Variants in PTPRR observed in about 807,000 individuals in gnomAD.
PTPRR encodes the protein receptor-type tyrosine-protein phosphatase R.
In PTPRR, 38 loss-of-function variants were observed where a neutral mutation model predicts 77.2. The observed-to-expected ratio is 0.49, with a 90% CI of 0.38 to 0.65. The LOEUF is 0.65. PTPRR is among the 30% of genes least tolerant of loss of function. The pLI, the probability that PTPRR is intolerant of heterozygous loss-of-function variation, is 0.00. For synonymous variants in PTPRR, 299 were observed against 283.1 expected, an observed-to-expected ratio of 1.06 and a Z score of -0.57; for missense variants, 744 against 799.2, an observed-to-expected ratio of 0.93 and a Z score of 0.83.
At chr12:70,729,504 T>G (rs1171353697) in intron 6 of PTPRR, among the ~76,000 whole-genome samples, 2 of 152,192 alleles carry the variant, frequency 1.3e-5, no homozygotes, top group African/African-American at 4.8e-5. Context: ...AGGACTATGT[T>G]AAATGAGTTT....
chr12:70,913,527 T>C (rs1010522613), intron 1 of PTPRR, among the ~76,000 whole-genome samples: 2 of 152,132 alleles, frequency 1.3e-5, no homozygotes, highest in African/African-American at 2.4e-5. Context: ...ATCTAACTCT[T>C]TGAGCTCTTT....
At chr12:70,902,347 A>G (rs1434128471) in intron 1 of PTPRR, among the ~76,000 whole-genome samples, 1 of 151,882 alleles carries the variant, frequency 6.6e-6, no homozygotes, top group Admixed American at 6.6e-5. Flanking sequence ...TCGTTATATG[A>G]AAAAGATACT....
At chr12:70,862,716 T>G in intron 2 of PTPRR, among the ~76,000 whole-genome samples, 1 of 151,356 alleles carries the variant, frequency 6.6e-6, no homozygotes, top group Non-Finnish European at 1.5e-5. Flanking sequence ...ATTGTGCACA[T>G]GTACCCTAAA....
At chr12:70,829,232 A>AAAG (rs1243646940) in intron 2 of PTPRR, among the ~76,000 whole-genome samples, 12 of 147,556 alleles carry the variant, frequency 8.1e-5, no homozygotes, top group Admixed American at 8.1e-4. Context: ...AGGAAAGAGG[A>AAAG]AGGAAGGAAG....
chr12:70,829,203 T>TGAAGGAAA (rs373496184), intron 2 of PTPRR, among the ~76,000 whole-genome samples: 1 of 149,818 alleles, frequency 6.7e-6, no homozygotes, highest in African/African-American at 2.5e-5. Context: ...ACTTGAAAAT[T>TGAAGGAAA]GAAGGAAAGA....
rs563414520 is a variant in PTPRR at position 70,690,375 on chromosome 12, C to T, written c.1280-5592G>A. ...AATAGAATAGGTACATCCCAAACATCTGGGGTTTGTATATATTCAGAAGTC... is the reference window on the plus strand; with the variant it reads ...AATAGAATAGGTACATCCCAAACATTTGGGGTTTGTATATATTCAGAAGTC... On this transcript the variant is annotated intron_variant, in intron 8 of 13. Transcript: ENST00000283228. Among the ~76,000 whole-genome samples, 45 of 152,300 alleles carry T rather than the reference C, an allele frequency of 3.0e-4. No individual in the cohort carries two copies. In the South Asian group the frequency reaches 8.9e-3, roughly 30 times the overall value.
At chr12:70,683,184 T>C (rs187770088) in intron 10 of PTPRR, among the ~76,000 whole-genome samples, 4 of 152,310 alleles carry the variant, frequency 2.6e-5, no homozygotes, top group Non-Finnish European at 2.9e-5. Flanking sequence ...AAAGGAATGC[T>C]TAGTTTTCTT....
chr12:70,893,167 TCTCAAAGACTTTA>T lies in PTPRR; in HGVS notation c.59-203_59-191del, dbSNP rs141608200. On this transcript the variant is annotated intron_variant, in intron 1 of 13. Coordinates refer to ENST00000283228, the MANE Select transcript of PTPRR (RefSeq NM_002849.4). ...GTATACACCTGGTGGTATGAAGGCCTCTCAAAGACTTTAGGTGGATAAAAGTGGGCGTACTTTG... is the reference window on the plus strand; with the variant it reads ...GTATACACCTGGTGGTATGAAGGCCTGGTGGATAAAAGTGGGCGTACTTTG... 4.4e-3 allele frequency among the ~76,000 whole-genome samples: 672 copies of T among 152,054 alleles called. 2 individuals carry two copies. Among genetic ancestry groups the T allele is most frequent in the Non-Finnish European group, 6.8e-3 (463 of 67,920 alleles).
At chr12:70,673,190 T>G (rs111392094) in intron 10 of PTPRR, among the ~76,000 whole-genome samples, 7 of 152,292 alleles carry the variant, frequency 4.6e-5, no homozygotes, top group Non-Finnish European at 1.0e-4. Flanking sequence ...CCCTATTGGA[T>G]TTCTTTAAAA....
intron 2 of PTPRR, 92 bp from the exon 3 acceptor site, chr12:70,764,870 A>C: frequency 1.1e-6 from 1 of 943,430 alleles, no homozygotes; most frequent in Non-Finnish European, 1.6e-6. Context: ...TAAGTTCACG[A>C]CATTCAGTTC....
rs1331947307 is a variant in PTPRR, at chr12:70,682,858, G to A, written c.1497+1269C>T. ...TTTAATATCAGATTCATAGAAGTGT[G>A]TTTAGTTAGTAAGCCATGTAGTGAA... On this transcript the variant is annotated intron_variant, in intron 10 of 13. Transcript: ENST00000283228. Among the ~76,000 whole-genome samples, 4 of 152,016 alleles carry A rather than the reference G, an allele frequency of 2.6e-5. No individual in the cohort carries two copies. In the East Asian group the frequency reaches 5.8e-4, roughly 22 times the overall value.
At chr12:70,689,797 C>T (rs114801957) in intron 8 of PTPRR, among the ~76,000 whole-genome samples, 78 of 152,288 alleles carry the variant, frequency 5.1e-4, no homozygotes, top group African/African-American at 1.8e-3. Context: ...CTGGAGCACA[C>T]AATAGTACGC....
At chr12:70,753,190 C>T (rs1183673828) in intron 5 of PTPRR, among the ~76,000 whole-genome samples, 1 of 152,104 alleles carries the variant, frequency 6.6e-6, no homozygotes, top group African/African-American at 2.4e-5. Context: ...CTAAGTTTAG[C>T]CCATGCAGCC....
At position 70,892,833 on chromosome 12, in the gene PTPRR, G is replaced by A. The variant is rs868821071; in HGVS notation, c.203C>T (p.Ser68Phe). 1 of 1,613,570 alleles carries A rather than the reference G, an allele frequency of 6.2e-7. No homozygotes were observed. Among genetic ancestry groups the A allele is most frequent in the South Asian group, 1.1e-5 (1 of 91,072 alleles). ...TTTGCTTACTTGAGCTTCGGAAGAG[G>A]AATGGTAGCTATGTCTGTAGATTTT... ...PQKIYRHSYH[S>F]SSEAQVSKRH... The change falls in exon 2 of 14, where the codon TCC becomes TTC. Residue 68 changes from serine to phenylalanine, a missense_variant. By Grantham distance (155) the Ser-to-Phe change is radical (BLOSUM62 -2). Coordinates refer to ENST00000283228, the MANE Select transcript of PTPRR (RefSeq NM_002849.4).
At chr12:70,708,257 G>A (rs7955784) in intron 6 of PTPRR, among the ~76,000 whole-genome samples, 31,054 of 152,084 alleles carry the variant, frequency 0.2, 3,618 homozygotes, top group East Asian at 0.39. Context: ...TGGCATCTGC[G>A]TGGATGAATA....
chr12:70,831,380 C>T (rs1892209242), intron 2 of PTPRR, among the ~76,000 whole-genome samples: 1 of 152,148 alleles, frequency 6.6e-6, no homozygotes, highest in South Asian at 2.1e-4. Flanking sequence ...TCATAATCAT[C>T]AATCAATAGC....
intron 6 of PTPRR, among the ~76,000 whole-genome samples, chr12:70,701,921 C>T (rs528895404): frequency 8.6e-5 from 13 of 152,046 alleles, no homozygotes; most frequent in South Asian, 4.2e-4. Flanking sequence ...TGCAGTGAGC[C>T]GTGATGGTGC....
intron 2 of PTPRR, among the ~76,000 whole-genome samples, chr12:70,885,233 C>T (rs1040917698): frequency 2.6e-5 from 4 of 152,090 alleles, no homozygotes; most frequent in Admixed American, 2.6e-4. Context: ...TAGATATTGT[C>T]ATCATTTATT....
At chr12:70,755,155 C>T (rs937264999) in intron 4 of PTPRR, among the ~76,000 whole-genome samples, 5 of 152,004 alleles carry the variant, frequency 3.3e-5, no homozygotes, top group East Asian at 1.9e-4. Context: ...TTATAGTTAA[C>T]GAAACTAACT....
Sources: gnomAD v4.1 joint callset for allele counts (sites outside exome capture counted in the v4.1 genomes callset) on GRCh38, gnomAD v4.1.1 for gene constraint, MANE v1.5 for transcripts, NCBI Gene and HGNC (gene_info 2026-07-23, HGNC 2026-07-21) for gene names.